Variants in CDK13 observed in about 807,000 individuals in gnomAD.
CDK13 encodes cyclin dependent kinase 13.
A neutral mutation model predicts 137.6 loss-of-function variants in CDK13; 40 were observed. The observed-to-expected ratio is 0.29, with a 90% CI of 0.23 to 0.38. CDK13 has a LOEUF of 0.38. Ranked by LOEUF, CDK13 falls within the 10% of genes least tolerant of loss-of-function variation. CDK13 has a pLI of 1.00. For synonymous variants in CDK13, 869 were observed against 760.1 expected (o/e 1.14, Z -2.36); for missense variants, 1,704 against 1,951.8 (o/e 0.87, Z 2.39).
chr7:40,052,551 A>G (rs986829738), intron 7 of CDK13, among the ~76,000 whole-genome samples: 6 of 152,160 alleles, frequency 3.9e-5, no homozygotes, highest in Non-Finnish European at 7.3e-5. Context: ...AAAGCATACT[A>G]CATTTCCATA....
intron 5 of CDK13, among the ~76,000 whole-genome samples, chr7:40,029,192 C>T (rs149363897): frequency 0.011 from 1,636 of 148,962 alleles, 16 homozygotes; most frequent in Non-Finnish European, 0.017. Context: ...TTTGGGAGGC[C>T]GAGGCAAGTG....
intron 6 of CDK13, among the ~76,000 whole-genome samples, chr7:40,047,460 A>G (rs1328940912): frequency 6.6e-6 from 1 of 152,170 alleles, no homozygotes; most frequent in Admixed American, 6.6e-5. Context: ...ACCTTGAACA[A>G]GAAATTTGTC....
intron 7 of CDK13, among the ~76,000 whole-genome samples, chr7:40,051,659 C>T (rs1785891034): frequency 6.6e-6 from 1 of 152,224 alleles, no homozygotes. Context: ...CAGCTTACAA[C>T]TGTAATAGCA....
At chr7:39,979,373 C>T (rs1285431740) in intron 1 of CDK13, among the ~76,000 whole-genome samples, 1 of 152,024 alleles carries the variant, frequency 6.6e-6, no homozygotes, top group African/African-American at 2.4e-5. Context: ...TGCGCCACCA[C>T]ACCCGTCTGA....
At chr7:39,972,906 A>G (rs1487333699) in intron 1 of CDK13, among the ~76,000 whole-genome samples, 3 of 152,158 alleles carry the variant, frequency 2.0e-5, no homozygotes, top group Admixed American at 6.5e-5. Flanking sequence ...CATCATTTTT[A>G]TATTCATATC....
rs1277113965 is a variant in CDK13 at position 40,095,837 on chromosome 7, C to A, written c.*857C>A. The A allele has an allele frequency of 2.0e-5, 3 of 152,178 alleles. No individual in the cohort carries two copies. Among genetic ancestry groups the A allele is most frequent in the Non-Finnish European group, 2.9e-5 (2 of 68,036 alleles). The allele number at this position is 152,178 out of a possible 1,614,324, so 9.4% of individuals were successfully genotyped here. A position where few individuals can be genotyped will look rare whatever the true frequency, so the allele number is the denominator to read the frequency against. ...TTCCCTCTGCTTGTCACACTTTCTC[C>A]TTTTCTGCCTGTCTTTGGGCTGTGT... On this transcript the variant is annotated 3_prime_UTR_variant, in exon 14 of 14. Transcript: ENST00000181839.
chr7:40,037,701 A>T (rs1785515293), intron 5 of CDK13, among the ~76,000 whole-genome samples: 1 of 152,182 alleles, frequency 6.6e-6, no homozygotes, highest in African/African-American at 2.4e-5. Context: ...CAGGATTTAT[A>T]CATCTTTGAC....
chr7:40,001,976 T>C lies in CDK13; in HGVS notation c.2298T>C (p.Asn766=), dbSNP rs746775910. ...AGCTTACCCATCAGAGTATTATCAA[T>C]ATGAAGGAAATAGTGACTGATAAAG... ...LRQLTHQSII[N]MKEIVTDKED... is the part of the protein sequence containing the mutation. The change falls in exon 5 of 14, where the codon AAT becomes AAC. Residue 766 remains asparagine (N), a synonymous_variant. Transcript: ENST00000181839. 5 of 1,611,252 alleles carry C rather than the reference T, an allele frequency of 3.1e-6. No individual in the cohort carries two copies. The highest frequency in any genetic ancestry group is 1.7e-4 in the Middle Eastern group (1 of 6,050).
In CDK13 at chr7:40,068,527, C is replaced by G. The variant is rs140658054; in HGVS notation, c.2780+5427C>G. The stretch of plus-strand genomic sequence containing the variant: ...TTGCCAACATGGTGAATCCCTGTCT[C>G]TACTAAAAATACAAAAATTACCTGG... On this transcript the variant is annotated intron_variant, in intron 9 of 13. Transcript: ENST00000181839. Among the ~76,000 whole-genome samples the G allele has an allele frequency of 1.2e-3, 189 of 151,530 alleles. 3 individuals are homozygous for G. The East Asian group carries it at 0.033, about 26-fold the overall frequency.
At chr7:39,965,346 GA>G (rs1375395462) in intron 1 of CDK13, among the ~76,000 whole-genome samples, 4 of 152,158 alleles carry the variant, frequency 2.6e-5, no homozygotes, top group African/African-American at 9.7e-5. Flanking sequence ...AGCTCTTGTT[GA>G]ATTGATCCCT....
At chr7:39,968,884 G>A (rs971722169) in intron 1 of CDK13, among the ~76,000 whole-genome samples, 1 of 152,146 alleles carries the variant, frequency 6.6e-6, no homozygotes. Flanking sequence ...ACTTCTTACC[G>A]TATATCCTGA....
intron 2 of CDK13, among the ~76,000 whole-genome samples, chr7:39,996,076 C>G (rs1360070892): frequency 6.6e-6 from 1 of 152,162 alleles, no homozygotes; most frequent in South Asian, 2.1e-4. Flanking sequence ...AAGAACCTTC[C>G]AGTGAGTAAC....
chr7:39,955,184 G>A (rs1462111590), intron 1 of CDK13, among the ~76,000 whole-genome samples: 3 of 152,008 alleles, frequency 2.0e-5, no homozygotes, highest in Non-Finnish European at 4.4e-5. Context: ...AAGAGGGGAG[G>A]GTACCGTTTG....
At chr7:39,988,510 T>G (rs1345454414) in intron 2 of CDK13, among the ~76,000 whole-genome samples, 1 of 152,094 alleles carries the variant, frequency 6.6e-6, no homozygotes, top group Non-Finnish European at 1.5e-5. Flanking sequence ...TTCAATATGA[T>G]TTTGGGTATT....
chr7:39,993,269 A>T (rs1305720388), intron 2 of CDK13, among the ~76,000 whole-genome samples: 1 of 152,120 alleles, frequency 6.6e-6, no homozygotes, highest in Non-Finnish European at 1.5e-5. Context: ...GTTTCCCCAT[A>T]TCCCATTTAA....
intron 5 of CDK13, among the ~76,000 whole-genome samples, chr7:40,040,210 T>A (rs1336963979): frequency 6.6e-6 from 1 of 152,154 alleles, no homozygotes; most frequent in Admixed American, 6.5e-5. Flanking sequence ...CATTTGCTTT[T>A]TATGCTGGTG....
At chr7:40,082,486 C>CAAAAAAA (rs70996879) in intron 11 of CDK13, among the ~76,000 whole-genome samples, 1 of 74,792 alleles carries the variant, frequency 1.3e-5, no homozygotes, top group African/African-American at 3.2e-5. Context: ...ACTCCATTTC[C>CAAAAAAA]AAAAAAAAAA....
intron 1 of CDK13, chr7:39,985,752 T>C (rs1784323918): frequency 6.6e-6 from 1 of 152,176 alleles, no homozygotes; most frequent in South Asian, 2.1e-4. Context: ...TAAGAGACTT[T>C]AATGCAGGGA....
chr7:39,955,387 A>T (rs555805860), intron 1 of CDK13, among the ~76,000 whole-genome samples: 156 of 152,286 alleles, frequency 1.0e-3, no homozygotes, highest in African/African-American at 3.5e-3. Context: ...CTTAATATTA[A>T]AGAGCATGGA....
Sources: gnomAD v4.1 joint callset for allele counts (sites outside exome capture counted in the v4.1 genomes callset) on GRCh38, gnomAD v4.1.1 for gene constraint, MANE v1.5 for transcripts, NCBI Gene and HGNC (gene_info 2026-07-23, HGNC 2026-07-21) for gene names.